COL24A1: variants seen among roughly 807,000 people sequenced by gnomAD.
COL24A1 encodes the protein collagen type XXIV alpha 1 chain.
COL24A1 carries 224 observed loss-of-function variants against 253.9 expected under a neutral mutation model. The ratio of observed to expected loss-of-function variants is 0.88; its 90% CI spans 0.79 to 0.99. The LOEUF (loss-of-function observed/expected upper bound fraction) is 0.99, where lower values mean the gene tolerates loss of function less well. Among genes scored for constraint, COL24A1 ranks in the 50% least tolerant of loss-of-function variants. The pLI, the probability that COL24A1 is intolerant of heterozygous loss-of-function variation, is 0.00. For missense variants in COL24A1, 2,131 were observed against 2,068.5 expected, an observed-to-expected ratio of 1.03 and a Z score of -0.59; for synonymous variants, 685 against 673.7, an observed-to-expected ratio of 1.02 and a Z score of -0.26.
chr1:85,854,793 T>G (rs1678236014), intron 37 of COL24A1, among the ~76,000 whole-genome samples: 1 of 151,644 alleles, frequency 6.6e-6, no homozygotes, highest in Admixed American at 6.6e-5. Context: ...CAACCTCACC[T>G]CCTGGGTTCA....
At chr1:85,773,869 T>C (rs1438091772) in intron 53 of COL24A1, among the ~76,000 whole-genome samples, 1 of 152,196 alleles carries the variant, frequency 6.6e-6, no homozygotes, top group Non-Finnish European at 1.5e-5. Flanking sequence ...TATTTCTTTC[T>C]CTTGCCTGAT....
intron 19 of COL24A1, among the ~76,000 whole-genome samples, chr1:85,998,982 C>A (rs1365653682): frequency 2.0e-5 from 3 of 152,176 alleles, no homozygotes; most frequent in Non-Finnish European, 2.9e-5. Context: ...ATCATTGAAA[C>A]TGTCAGGCTA....
intron 19 of COL24A1, among the ~76,000 whole-genome samples, chr1:85,999,889 C>A (rs1488913170): frequency 6.6e-6 from 1 of 152,192 alleles, no homozygotes; most frequent in East Asian, 1.9e-4. Context: ...CATTAGCCCA[C>A]ATTGCCTAAC....
chr1:85,762,987 A>G (rs1666989030), intron 53 of COL24A1, among the ~76,000 whole-genome samples: 1 of 152,226 alleles, frequency 6.6e-6, no homozygotes, highest in Non-Finnish European at 1.5e-5. Flanking sequence ...GGCAACTCCA[A>G]TGTAACCACA....
chr1:86,127,889 G>A (rs1168444205), intron 2 of COL24A1, among the ~76,000 whole-genome samples: 1 of 151,732 alleles, frequency 6.6e-6, no homozygotes, highest in Non-Finnish European at 1.5e-5. Context: ...CAATTAAAAT[G>A]TTTTTTAACA....
intron 24 of COL24A1, among the ~76,000 whole-genome samples, chr1:85,956,706 A>G (rs1690500319): frequency 6.6e-6 from 1 of 152,230 alleles, no homozygotes; most frequent in Non-Finnish European, 1.5e-5. Flanking sequence ...CACATTTTAC[A>G]TATAAAATAT....
intron 37 of COL24A1, among the ~76,000 whole-genome samples, chr1:85,854,236 C>T (rs928737217): frequency 1.3e-5 from 2 of 152,086 alleles, no homozygotes; most frequent in Non-Finnish European, 2.9e-5. Context: ...TTCCCCATTG[C>T]TTGTTATTAT....
At chr1:86,032,069 T>C (rs1251120486) in intron 13 of COL24A1, 147 bp from the exon 14 acceptor site, 8 of 578,798 alleles carry the variant, frequency 1.4e-5, no homozygotes, top group East Asian at 6.4e-5. Context: ...CCCTAATCTA[T>C]GCATCCTCCT....
In COL24A1 at chr1:86,023,064, A is replaced by T. The variant is rs1697702614; in HGVS notation, c.2050-57T>A. On this transcript the variant is annotated intron_variant, in intron 14 of 59. Transcript: ENST00000370571. ...AAGCATTCATTAGGATTAGAAAGAA[A>T]ATGTGGCAGAATTAATAAATTAATG... 22 of 1,512,710 alleles carry T rather than the reference A, an allele frequency of 1.5e-5. No homozygotes were observed. In the South Asian group the frequency reaches 2.5e-4, roughly 17 times the overall value. 93.7% of individuals were successfully genotyped at this position (1,512,710 alleles called of 1,614,324 possible).
In COL24A1 at chr1:85,919,898, A is replaced by C. The variant is rs118139332; in HGVS notation, c.2563-8465T>G. Among the ~76,000 whole-genome samples the C allele has an allele frequency of 2.1e-3, 326 of 152,350 alleles. 10 individuals carry two copies. In the South Asian group the frequency reaches 0.052, roughly 24 times the overall value. On this transcript the variant is annotated intron_variant, in intron 24 of 59. Coordinates refer to ENST00000370571, the MANE Select transcript of COL24A1 (RefSeq NM_152890.7). ...ACAGTGAATTTACGTATTAACATAAAATTGAAAAACTGTGAAATCTAACTC... is the reference window on the plus strand; with the variant it reads ...ACAGTGAATTTACGTATTAACATAACATTGAAAAACTGTGAAATCTAACTC...
chr1:85,799,541 A>C (rs1052243558), intron 47 of COL24A1, among the ~76,000 whole-genome samples: 1 of 152,172 alleles, frequency 6.6e-6, no homozygotes, highest in Non-Finnish European at 1.5e-5. Context: ...CTTAGAAATC[A>C]CTTTCCCTAA....
chr1:86,020,132 A>G (rs1252929690), intron 18 of COL24A1, among the ~76,000 whole-genome samples: 2 of 143,716 alleles, frequency 1.4e-5, no homozygotes, highest in Admixed American at 7.5e-5. Flanking sequence ...CAGTGGCGCA[A>G]TCTTGACTTA....
chr1:85,755,826 T>A (rs1272519695), intron 55 of COL24A1, among the ~76,000 whole-genome samples: 1 of 151,732 alleles, frequency 6.6e-6, no homozygotes, highest in Non-Finnish European at 1.5e-5. Context: ...CTTGATAACA[T>A]TTGATTTTGC....
chr1:86,053,243 A>C (rs867799011), intron 10 of COL24A1, among the ~76,000 whole-genome samples: 1 of 152,110 alleles, frequency 6.6e-6, no homozygotes, highest in South Asian at 2.1e-4. Context: ...TTGGTTATAA[A>C]TAAAAAGAAA....
chr1:86,063,722 C>A lies in COL24A1; in HGVS notation c.1745G>T (p.Gly582Val). The change falls in exon 8 of 60, where the codon GGT becomes GTT. Residue 582 changes from glycine (G) to valine (V), a missense_variant. Gly to Val is a moderately radical substitution (Grantham distance 109). Transcript: ENST00000370571. ...TATAAAGGAAGTACCTACTTGTTCA[C>A]CTGGAAGTCCTGGGAGTCCAGGATG... ...KGHPGLPGLP[G>V]EQGIPGFAGN... The A allele has an allele frequency of 6.4e-7, 1 of 1,551,312 alleles. No homozygotes were observed. Among genetic ancestry groups the A allele is most frequent in the Non-Finnish European group, 8.7e-7 (1 of 1,147,922 alleles).
chr1:86,139,596 G>C (rs553666293), intron 2 of COL24A1, among the ~76,000 whole-genome samples: 1 of 152,014 alleles, frequency 6.6e-6, no homozygotes. Context: ...GTAATATATC[G>C]CTTTATAAAG....
rs148592814 is a variant in COL24A1 at position 85,917,938 on chromosome 1, C to G, written c.2563-6505G>C. ...GGCCAAGCTGGTCTCGAACTCCTGACCTCAGGTGATCTGCCCGCCTTGGCC... is the reference window on the plus strand; with the variant it reads ...GGCCAAGCTGGTCTCGAACTCCTGAGCTCAGGTGATCTGCCCGCCTTGGCC... On this transcript the variant is annotated intron_variant, in intron 24 of 59. Coordinates refer to ENST00000370571, the MANE Select transcript of COL24A1 (RefSeq NM_152890.7). 8.0e-3 allele frequency among the ~76,000 whole-genome samples: 1,225 copies of G among 152,236 alleles called. 22 individuals are homozygous for G. Among genetic ancestry groups the G allele is most frequent in the African/African-American group, 0.028 (1,150 of 41,540 alleles).
chr1:85,818,384 A>G (rs1673261063), intron 45 of COL24A1, among the ~76,000 whole-genome samples: 1 of 152,188 alleles, frequency 6.6e-6, no homozygotes, highest in Non-Finnish European at 1.5e-5. Context: ...ACTTTCAGGA[A>G]GGGCCTTGAT....
intron 12 of COL24A1, among the ~76,000 whole-genome samples, chr1:86,034,806 T>A (rs577083133): frequency 1.7e-4 from 26 of 152,248 alleles, no homozygotes; most frequent in African/African-American, 6.0e-4. Flanking sequence ...TACTTTACAA[T>A]ACTACATTTT....
Sources: allele counts gnomAD v4.1 joint callset (sites outside exome capture counted in the v4.1 genomes callset), GRCh38; gene constraint gnomAD v4.1.1; transcripts MANE v1.5; gene names NCBI Gene and HGNC (gene_info 2026-07-23, HGNC 2026-07-21).